Variants in TLR6 observed in about 807,000 individuals in gnomAD.
TLR6 encodes the protein toll-like receptor 6.
In TLR6, 9 loss-of-function variants were observed where a neutral mutation model predicts 16.1. The ratio of observed to expected loss-of-function variants is 0.56; its 90% CI spans 0.34 to 0.98. The LOEUF (loss-of-function observed/expected upper bound fraction) is 0.98, where lower values mean the gene tolerates loss of function less well. TLR6 is among the 50% of genes least tolerant of loss of function. The pLI, the probability that TLR6 is intolerant of heterozygous loss-of-function variation, is 0.02. For missense variants in TLR6, 786 were observed against 921.0 expected, an observed-to-expected ratio of 0.85 and a Z score of 1.90; for synonymous variants, 340 against 338.6, an observed-to-expected ratio of 1.00 and a Z score of -0.04.
At chr4:38,828,650 G>C (rs1487105293) in exon 2 of TLR6, 3 of 1,613,950 alleles carry the variant, frequency 1.9e-6, no homozygotes, top group South Asian at 1.1e-5. Context: ...CACAGGTTTG[G>C]GCCAAAGAAA....
chr4:38,838,435 T>C (rs1488100324), intron 1 of TLR6, among the ~76,000 whole-genome samples: 1 of 152,198 alleles, frequency 6.6e-6, no homozygotes, highest in East Asian at 1.9e-4. Context: ...TTAAATCCTG[T>C]CATTTGCAGC....
At chr4:38,858,773 GAGGGAGAGAGAGAGAGAGGGAGAGA>G (rs1713098463), upstream of TLR6, among the ~76,000 whole-genome samples, 1 of 76,752 alleles carries the variant, frequency 1.3e-5, no homozygotes, top group African/African-American at 9.6e-5. Context: ...GAGAGAGAGA[GAGGGAGAGAGAGAGAGAGGGAGAGA>G]GAGAGAGAGA....
In TLR6 at chr4:38,828,035, A is replaced by T. The variant is rs778177186; in HGVS notation, c.1439T>A (p.Val480Asp). The T allele has an allele frequency of 3.7e-6, 6 of 1,614,230 alleles. No homozygotes were observed. In the Admixed American group the frequency reaches 5.0e-5, roughly 13 times the overall value. The change falls in exon 2 of 2, where the codon GTT (valine) becomes GAT (aspartate). Residue 480 changes from valine (V) to aspartate (D), a missense_variant. Val to Asp is a radical substitution (Grantham distance 152). Coordinates refer to ENST00000436693, the Ensembl canonical transcript of TLR6. ...AAGGTCAGTTAAAGAATTGAAAGCA[A>T]CATTGAGTTCTTGCAAAGCTTCCAG...
chr4:38,828,776 T>C lies in TLR6; in HGVS notation c.698A>G (p.Asp233Gly), dbSNP rs777363224. 10 of 1,613,854 alleles carry C rather than the reference T, an allele frequency of 6.2e-6. No individual in the cohort carries two copies. In the South Asian group the frequency reaches 1.1e-4, roughly 18 times the overall value. Residue 233 changes from aspartate to glycine, a missense_variant, in exon 2 of 2, where the codon GAC becomes GGC. By Grantham distance (94) the Asp-to-Gly change is moderately conservative. Coordinates refer to ENST00000436693, the Ensembl canonical transcript of TLR6. ...AAATTTAATGAAAACTTGACAGTTG[T>C]CATCATTCAATTTAATATTAGTCAG...
chr4:38,832,225 C>T (rs1711646293), intron 1 of TLR6, among the ~76,000 whole-genome samples: 1 of 152,100 alleles, frequency 6.6e-6, no homozygotes, highest in Admixed American at 6.5e-5. Context: ...CCCTCACCCC[C>T]TCTGCAAAGA....
exon 2 of TLR6, chr4:38,825,138 C>T (rs1727486128): frequency 6.6e-6 from 1 of 152,228 alleles, no homozygotes. Flanking sequence ...AAAGCGAGGG[C>T]TTCATTTTTC....
chr4:38,866,920 T>C, the TLR6 span, among the ~76,000 whole-genome samples: 1 of 152,222 alleles, frequency 6.6e-6, no homozygotes, highest in Non-Finnish European at 1.5e-5. Context: ...GGAGAAAATC[T>C]GCCTTAAACA....
At chr4:38,857,269 A>T (rs73811230), upstream of TLR6, among the ~76,000 whole-genome samples, 4,716 of 152,050 alleles carry the variant, frequency 0.031, 209 homozygotes, top group African/African-American at 0.085. Context: ...GTTTTTTTTT[A>T]AAAATCAACT....
intron 1 of TLR6, among the ~76,000 whole-genome samples, chr4:38,854,520 A>G (rs1014046306): frequency 3.4e-5 from 5 of 147,748 alleles, no homozygotes; most frequent in Admixed American, 2.0e-4. Flanking sequence ...AAGATTTTTT[A>G]AAAGGCAAGA....
chr4:38,827,400 T>G lies in TLR6; in HGVS notation c.2074A>C (p.Ile692Leu), dbSNP rs774343212. ...AAGATGGACTTGTAACTCTTCTCAA[T>G]GCAGTTGATGATATTTTCCACAATG... The change falls in exon 2 of 2, where the codon ATT becomes CTT. Residue 692 changes from isoleucine (I) to leucine (L), a missense_variant. Transcript: ENST00000436693. The G allele has an allele frequency of 5.6e-6, 9 of 1,614,114 alleles. No homozygotes were observed. The South Asian group carries it at 6.6e-5, about 12-fold the overall frequency.
upstream of TLR6, among the ~76,000 whole-genome samples, chr4:38,860,380 G>A (rs184072136): frequency 8.6e-4 from 131 of 152,150 alleles, no homozygotes; most frequent in African/African-American, 3.0e-3. Context: ...CCTGAGGCAC[G>A]AGAATCACTT....
Position 38,827,785 on chromosome 4 carries a change from G to T in TLR6, c.1689C>A (p.Tyr563Ter). 6.2e-7 allele frequency: 1 copy of T among 1,614,206 alleles called. No homozygotes were observed. The highest frequency in any genetic ancestry group is 1.7e-5 in the Admixed American group (1 of 60,030). ...GTGGGCTTCCTCTATAACTTTCTGG[G>T]TAGTCACACTTATAAGAATCAGGCC... The change falls in exon 2 of 2, where the codon TAC becomes TAA. Residue 563 changes from tyrosine to a stop codon, truncating the protein, a stop_gained. Coordinates refer to ENST00000436693, the Ensembl canonical transcript of TLR6. LOFTEE classifies it high-confidence loss of function.
In TLR6 at chr4:38,828,726, T is replaced by C. The variant is rs1393806742; in HGVS notation, c.748A>G (p.Thr250Ala). The change falls in exon 2 of 2, where the codon ACC becomes GCC. Residue 250 changes from threonine (T) to alanine (A), a missense_variant. Coordinates refer to ENST00000436693, the Ensembl canonical transcript of TLR6. ...TGGTTGAGGGTAAAATTCAGTAAGG[T>C]TGAACCTCTGGTGAGTTCTGATAAA... 2.5e-6 allele frequency: 4 copies of C among 1,614,006 alleles called. No homozygotes were observed. Among genetic ancestry groups the C allele is most frequent in the Non-Finnish European group, 3.4e-6 (4 of 1,180,008 alleles).
At chr4:38,867,821 C>G in the TLR6 span, 1 of 153,280 alleles carries the variant, frequency 6.5e-6, no homozygotes, top group African/African-American at 2.4e-5. Context: ...CGCGCGTACT[C>G]GGCCGCCTGA....
chr4:38,831,304 A>G (rs943403452), intron 1 of TLR6, among the ~76,000 whole-genome samples: 4 of 151,812 alleles, frequency 2.6e-5, no homozygotes, highest in African/African-American at 4.8e-5. Flanking sequence ...AAAAAAAAAA[A>G]AAGAAGAAGA....
chr4:38,827,374 A>G, exon 2 of TLR6: 1 of 1,614,244 alleles, frequency 6.2e-7, no homozygotes, highest in South Asian at 1.1e-5. Context: ...GAGACAAAAC[A>G]AAGATGGACT....
downstream of TLR6, among the ~76,000 whole-genome samples, chr4:38,823,066 C>T (rs1161051888): frequency 6.6e-6 from 1 of 152,124 alleles, no homozygotes; most frequent in Non-Finnish European, 1.5e-5. Flanking sequence ...TTCATGAGAC[C>T]CATTCGCTAA....
chr4:38,835,786 A>G (rs1338072537), intron 1 of TLR6, among the ~76,000 whole-genome samples: 1 of 152,216 alleles, frequency 6.6e-6, no homozygotes, highest in Admixed American at 6.5e-5. Context: ...TCAGATCACA[A>G]TGGAATAAAA....
intron 1 of TLR6, among the ~76,000 whole-genome samples, chr4:38,833,772 A>C (rs1205769448): frequency 6.6e-6 from 1 of 152,208 alleles, no homozygotes; most frequent in Non-Finnish European, 1.5e-5. Flanking sequence ...AGTGAGTTAC[A>C]AGAGAGCATA....
Sources: allele counts gnomAD v4.1 joint callset (sites outside exome capture counted in the v4.1 genomes callset), GRCh38; gene constraint gnomAD v4.1.1; transcripts MANE v1.5; gene names NCBI Gene and HGNC (gene_info 2026-07-23, HGNC 2026-07-21).